The following FCHSD2 variants were observed in gnomAD, a reference collection of about 807,000 sequenced individuals.
FCHSD2 encodes FCH and double SH3 domains 2, also known as F-BAR and double SH3 domains protein 2.
In FCHSD2, 38 loss-of-function variants were observed where a neutral mutation model predicts 108.1. The ratio of observed to expected loss-of-function variants is 0.35; its 90% CI spans 0.27 to 0.46. The LOEUF (loss-of-function observed/expected upper bound fraction) is 0.46, where lower values mean the gene tolerates loss of function less well. FCHSD2 is among the 20% of genes least tolerant of loss of function. The pLI, the probability that FCHSD2 is intolerant of heterozygous loss-of-function variation, is 1.00. For synonymous variants in FCHSD2, 279 were observed against 314.7 expected (o/e 0.89, Z 1.20); for missense variants, 751 against 897.8 (o/e 0.84, Z 2.09).
intron 10 of FCHSD2, among the ~76,000 whole-genome samples, chr11:72,891,635 G>T (rs1224961166): frequency 6.6e-6 from 1 of 152,216 alleles, no homozygotes; most frequent in Admixed American, 6.5e-5. Flanking sequence ...AGAGGAATGT[G>T]ATCTGTAAAA....
chr11:73,058,970 G>T (rs1859098769), intron 3 of FCHSD2, among the ~76,000 whole-genome samples: 1 of 152,024 alleles, frequency 6.6e-6, no homozygotes, highest in Non-Finnish European at 1.5e-5. Flanking sequence ...TACATTGATA[G>T]GCTAGCCTCT....
chr11:72,966,941 G>GT (rs1856919180), intron 8 of FCHSD2, among the ~76,000 whole-genome samples: 1 of 152,294 alleles, frequency 6.6e-6, no homozygotes, highest in East Asian at 1.9e-4. Flanking sequence ...GCTCACGCCT[G>GT]TAATCCCAGC....
rs1348225804 is a variant in FCHSD2, at chr11:72,867,865, C to T, written c.1308G>A (p.Ser436=). 7 of 1,610,136 alleles carry T rather than the reference C, an allele frequency of 4.3e-6. No individual in the cohort carries two copies. The highest frequency in any genetic ancestry group is 4.5e-5 in the East Asian group (2 of 44,840). Reference sequence around the variant, plus strand: ...TCATATCCAAGAAAAGAAATCGTACCGAGTGTAAAGTGCCATTACTGGTCA... The same window carrying T: ...TCATATCCAAGAAAAGAAATCGTACTGAGTGTAAAGTGCCATTACTGGTCA... The part of the protein sequence containing the change: ...PAVTSNGTLH[S]LNADTEREEG... Residue 436 remains serine, a splice_region_variant and synonymous_variant, in exon 13 of 20, where the codon TCG becomes TCA. Transcript: ENST00000409418.
At position 73,142,265 on chromosome 11, in the gene FCHSD2, C is replaced by G. The variant is rs1196006565; in HGVS notation, c.-388G>C. On this transcript the variant is annotated 5_prime_UTR_variant, in exon 1 of 20. Transcript: ENST00000409418. ...CCGGTCGGCCGCCTGCGCCGCCGCT[C>G]CCGGCGGACGCAGCGGCCCCCACCC... The G allele has an allele frequency of 6.6e-6, 1 of 152,346 alleles. No homozygotes were observed. Among genetic ancestry groups the G allele is most frequent in the Non-Finnish European group, 1.5e-5 (1 of 68,586 alleles). The allele number at this position is 152,346 out of a possible 1,614,324, so 9.4% of individuals were successfully genotyped here. A position where few individuals can be genotyped will look rare whatever the true frequency, so the allele number is the denominator to read the frequency against.
chr11:72,945,798 C>T (rs1856507106), intron 8 of FCHSD2, among the ~76,000 whole-genome samples: 3 of 152,286 alleles, frequency 2.0e-5, no homozygotes, highest in East Asian at 1.9e-4. Context: ...TGAAAAAATG[C>T]TCATCATCAA....
At chr11:72,881,551 G>A (rs1370759323) in intron 12 of FCHSD2, among the ~76,000 whole-genome samples, 1 of 152,192 alleles carries the variant, frequency 6.6e-6, no homozygotes, top group Admixed American at 6.5e-5. Context: ...TTATCCAAAG[G>A]AAAGGAAATC....
rs545768586 is a variant in FCHSD2 at position 73,021,458 on chromosome 11, C to G, written c.166-5573G>C. On this transcript the variant is annotated intron_variant, in intron 3 of 19. Coordinates refer to ENST00000409418, the MANE Select transcript of FCHSD2 (RefSeq NM_014824.3). ...TAACCTTAGCAAACTAATGCAAGAA[C>G]AGAAAACTAAATAATATATGTTCTC... Among the ~76,000 whole-genome samples the G allele has an allele frequency of 1.1e-4, 16 of 152,092 alleles. No individual in the cohort carries two copies. The South Asian group carries it at 3.1e-3, about 30-fold the overall frequency.
chr11:73,080,053 C>T (rs1420287513), intron 3 of FCHSD2, among the ~76,000 whole-genome samples: 1 of 152,018 alleles, frequency 6.6e-6, no homozygotes, highest in Non-Finnish European at 1.5e-5. Flanking sequence ...ATCCCCAGTG[C>T]TTTGAGAGGC....
intron 3 of FCHSD2, among the ~76,000 whole-genome samples, chr11:73,072,266 A>G (rs909150324): frequency 1.3e-5 from 2 of 151,930 alleles, no homozygotes; most frequent in East Asian, 1.9e-4. Context: ...AGCATCAACA[A>G]TGATTTCCTC....
chr11:72,940,731 TGCAACTAATG>T (rs1419062944), intron 8 of FCHSD2: 2 of 885,526 alleles, frequency 2.3e-6, no homozygotes, highest in Non-Finnish European at 3.8e-6. Flanking sequence ...TTCCTAAGGG[TGCAACTAATG>T]GCAAGCCTGT....
At chr11:73,070,744 A>C (rs1859417351) in intron 3 of FCHSD2, among the ~76,000 whole-genome samples, 1 of 152,066 alleles carries the variant, frequency 6.6e-6, no homozygotes, top group Admixed American at 6.5e-5. Flanking sequence ...AAATTAAAAA[A>C]AAAAAAGAAA....
chr11:73,102,803 T>A (rs1860255193), intron 2 of FCHSD2, among the ~76,000 whole-genome samples: 1 of 152,220 alleles, frequency 6.6e-6, no homozygotes, highest in Admixed American at 6.5e-5. Flanking sequence ...TCCAGAACTA[T>A]AAGCCAATAA....
chr11:72,840,989 T>C (rs1591328279), intron 18 of FCHSD2, 30 bp from the exon 19 acceptor site: 1 of 1,547,896 alleles, frequency 6.5e-7, no homozygotes, highest in Non-Finnish European at 8.9e-7. Context: ...AAGCTCATTT[T>C]ACTTGAGTTG....
At chr11:73,047,797 C>T (rs1397849572) in intron 3 of FCHSD2, among the ~76,000 whole-genome samples, 2 of 152,020 alleles carry the variant, frequency 1.3e-5, no homozygotes, top group African/African-American at 4.8e-5. Flanking sequence ...GCACTGTATC[C>T]CTCAGAATTT....
In FCHSD2 at chr11:72,843,341, CAT is replaced by C. The variant is rs775506868; in HGVS notation, c.1528-15_1528-14del. 8.1e-6 allele frequency: 13 copies of C among 1,608,060 alleles called. No individual in the cohort carries two copies. The East Asian group carries it at 8.9e-5, about 11-fold the overall frequency. ...CTTTATTTCGAGCCTGGGTAAAAGA[CAT>C]GTGACAAAACAAGTTTACACACACA... On this transcript the variant is annotated splice_polypyrimidine_tract_variant and intron_variant, in intron 15 of 19. Transcript: ENST00000409418.
chr11:73,139,020 T>C (rs771809688), intron 2 of FCHSD2, among the ~76,000 whole-genome samples: 10 of 152,206 alleles, frequency 6.6e-5, no homozygotes, highest in African/African-American at 2.2e-4. Context: ...TCTTGATATA[T>C]CCAGGTTGGA....
chr11:73,006,996 T>C (rs1857754899), intron 4 of FCHSD2, among the ~76,000 whole-genome samples: 1 of 152,234 alleles, frequency 6.6e-6, no homozygotes, highest in South Asian at 2.1e-4. Context: ...GGCCTCTTCA[T>C]TCTGATATAG....
At chr11:72,936,792 T>A (rs1185467331) in intron 8 of FCHSD2, among the ~76,000 whole-genome samples, 1 of 152,252 alleles carries the variant, frequency 6.6e-6, no homozygotes, top group Non-Finnish European at 1.5e-5. Flanking sequence ...GTATCAAAGA[T>A]GATATTCTTT....
At chr11:73,045,976 A>G (rs1858754505) in intron 3 of FCHSD2, among the ~76,000 whole-genome samples, 1 of 140,676 alleles carries the variant, frequency 7.1e-6, no homozygotes, top group African/African-American at 2.7e-5. Flanking sequence ...TATTTCTACA[A>G]TAATTTCAGT....
Sources: gnomAD v4.1 joint callset for allele counts (sites outside exome capture counted in the v4.1 genomes callset) on GRCh38, gnomAD v4.1.1 for gene constraint, MANE v1.5 for transcripts, NCBI Gene and HGNC (gene_info 2026-07-23, HGNC 2026-07-21) for gene names.